Variants in ARHGAP31 observed in about 807,000 individuals in gnomAD.
The protein encoded by ARHGAP31 is rho GTPase-activating protein 31.
Under a neutral mutation model 113.9 loss-of-function variants are expected in ARHGAP31, and 34 were observed. The observed-to-expected ratio is 0.30, with a 90% CI of 0.23 to 0.40. The LOEUF is 0.40. Among genes scored for constraint, ARHGAP31 ranks in the 10% least tolerant of loss-of-function variants. The probability of loss-of-function intolerance (pLI) is 1.00; values close to 1 mark genes in which losing one functional copy is unlikely to be tolerated. For synonymous variants in ARHGAP31, 650 were observed against 684.8 expected, an observed-to-expected ratio of 0.95 and a Z score of 0.79; for missense variants, 1,548 against 1,767.1, an observed-to-expected ratio of 0.88 and a Z score of 2.22.
intron 1 of ARHGAP31, among the ~76,000 whole-genome samples, chr3:119,349,288 C>A (rs1242314980): frequency 2.0e-5 from 3 of 152,154 alleles, no homozygotes; most frequent in Non-Finnish European, 4.4e-5. Flanking sequence ...CATAGAAATT[C>A]AGATATCTTG....
rs560373448 is a variant in ARHGAP31, at chr3:119,304,025, A to G, written c.100+9021A>G. 2.2e-4 allele frequency among the ~76,000 whole-genome samples: 33 copies of G among 151,750 alleles called. 1 individual carries two copies. In the South Asian group the frequency reaches 6.1e-3, roughly 28 times the overall value. On this transcript the variant is annotated intron_variant, in intron 1 of 11. Coordinates refer to ENST00000264245, the MANE Select transcript of ARHGAP31 (RefSeq NM_020754.4). ...TAGCCAGGCTGGTCTCAAACTCCTG[A>G]CCTCGTGATCCGCCTGCCTCAGCCT...
At chr3:119,303,089 T>C (rs1051122330) in intron 1 of ARHGAP31, among the ~76,000 whole-genome samples, 4 of 152,240 alleles carry the variant, frequency 2.6e-5, no homozygotes, top group Non-Finnish European at 1.5e-5. Context: ...TGTTGTTTTG[T>C]TCTCTAACAC....
chr3:119,382,505 T>C (rs1307881460), intron 5 of ARHGAP31, 106 bp downstream of exon 5: 77 of 1,138,418 alleles, frequency 6.8e-5, no homozygotes, highest in Non-Finnish European at 1.4e-5. Flanking sequence ...AAAACAAATC[T>C]GTGGCTTAAG....
intron 9 of ARHGAP31, among the ~76,000 whole-genome samples, chr3:119,399,485 C>T (rs536345599): frequency 6.6e-6 from 1 of 152,346 alleles, no homozygotes; most frequent in Non-Finnish European, 1.5e-5. Context: ...CCTCTTTGCC[C>T]ATCCTTCCTC....
At chr3:119,373,477 T>G (rs151108031) in intron 3 of ARHGAP31, among the ~76,000 whole-genome samples, 2,692 of 152,080 alleles carry the variant, frequency 0.018, 66 homozygotes, top group African/African-American at 0.06. Flanking sequence ...GTTTGTTTGT[T>G]TTTTGAGATG....
Position 119,399,236 on chromosome 3 carries a change from C to G in ARHGAP31, c.1044C>G (p.Asp348Glu), listed in dbSNP as rs369521143. 16 of 1,613,690 alleles carry G rather than the reference C, an allele frequency of 9.9e-6. No homozygotes were observed. Among genetic ancestry groups the G allele is most frequent in the Non-Finnish European group, 1.3e-5 (15 of 1,179,562 alleles). ...KATIRPAKSM[D>E]SLCSVPVEGK... ...CTATCCGACCAGCTAAAAGCATGGA[C>G]TCACTATGTTCAGTGCCTGTGGAAG... The change falls in exon 9 of 12, where the codon GAC (aspartate) becomes GAG (glutamate). Residue 348 changes from aspartate to glutamate, a missense_variant. Asp to Glu is a conservative substitution (Grantham distance 45, BLOSUM62 2). Transcript: ENST00000264245.
chr3:119,333,996 T>C (rs2079918726), intron 1 of ARHGAP31, among the ~76,000 whole-genome samples: 1 of 152,228 alleles, frequency 6.6e-6, no homozygotes, highest in South Asian at 2.1e-4. Context: ...CCCTGGCACA[T>C]GTGCACAGCA....
At position 119,402,173 on chromosome 3, in the gene ARHGAP31, A is replaced by C. The variant is rs1374939786; in HGVS notation, c.1421A>C (p.Glu474Ala). 6.2e-7 allele frequency: 1 copy of C among 1,614,274 alleles called. No individual in the cohort carries two copies. Among genetic ancestry groups the C allele is most frequent in the Non-Finnish European group, 8.5e-7 (1 of 1,180,048 alleles). Residue 474 changes from glutamate (E) to alanine (A), a missense_variant, in exon 10 of 12, where the codon GAG (glutamate) becomes GCG (alanine). Glu to Ala is a moderately radical substitution (Grantham distance 107). Coordinates refer to ENST00000264245, the MANE Select transcript of ARHGAP31 (RefSeq NM_020754.4). ...SVFTSSLFQM[E>A]PSPRNQRKAL... The stretch of plus-strand genomic sequence containing the variant: ...TTCACCAGCAGCCTCTTCCAGATGG[A>C]GCCCTCGCCGCGTAACCAGCGCAAG...
chr3:119,336,266 T>A (rs1000954209), intron 1 of ARHGAP31, among the ~76,000 whole-genome samples: 3 of 152,238 alleles, frequency 2.0e-5, no homozygotes, highest in Non-Finnish European at 4.4e-5. Flanking sequence ...ATGAAATGGC[T>A]CTTGACTTCC....
rs1024485808 is a variant in ARHGAP31, at chr3:119,413,278, T to C, written c.1927-578T>C. ...GTTGCAGTGAGCTGAGATCACACCA[T>C]TGCACTCCAGCCTGGATGATAACGC... On this transcript the variant is annotated intron_variant, in intron 11 of 11. Coordinates refer to ENST00000264245, the MANE Select transcript of ARHGAP31 (RefSeq NM_020754.4). 9.4e-5 allele frequency among the ~76,000 whole-genome samples: 14 copies of C among 149,212 alleles called. 1 individual carries two copies. The South Asian group carries it at 2.1e-3, about 23-fold the overall frequency.
chr3:119,412,355 T>TCCAG (rs2080723668), intron 11 of ARHGAP31, among the ~76,000 whole-genome samples: 1 of 150,316 alleles, frequency 6.7e-6, no homozygotes, highest in Non-Finnish European at 1.5e-5. Flanking sequence ...GCCACTGCAC[T>TCCAG]CCAGCCTGGG....
intron 1 of ARHGAP31, among the ~76,000 whole-genome samples, chr3:119,302,609 T>A (rs796548238): frequency 1.1e-4 from 17 of 152,332 alleles, no homozygotes; most frequent in African/African-American, 3.8e-4. Flanking sequence ...TATTTCAGTA[T>A]CTTTAAGAAT....
At chr3:119,405,796 C>T (rs1261262981) in intron 10 of ARHGAP31, among the ~76,000 whole-genome samples, 1 of 152,128 alleles carries the variant, frequency 6.6e-6, no homozygotes, top group Non-Finnish European at 1.5e-5. Flanking sequence ...TTGTAGTTTA[C>T]AAGTAGCCAC....
At chr3:119,379,770 A>G (rs2080379005) in intron 3 of ARHGAP31, among the ~76,000 whole-genome samples, 1 of 152,074 alleles carries the variant, frequency 6.6e-6, no homozygotes, top group Admixed American at 6.6e-5. Flanking sequence ...TATGAAAAAA[A>G]CTCATGGAGC....
chr3:119,318,062 G>A (rs544318245), intron 1 of ARHGAP31, among the ~76,000 whole-genome samples: 35 of 150,146 alleles, frequency 2.3e-4, no homozygotes, highest in African/African-American at 3.0e-4. Flanking sequence ...TAATTTTGGA[G>A]CACCACCCAG....
At chr3:119,312,671 C>T (rs750855141) in intron 1 of ARHGAP31, among the ~76,000 whole-genome samples, 3 of 152,154 alleles carry the variant, frequency 2.0e-5, no homozygotes, top group Non-Finnish European at 4.4e-5. Context: ...AGTCCCTTCC[C>T]ACATCCTTGT....
rs527827601 is a variant in ARHGAP31, at chr3:119,330,604, T to A, written c.101-34712T>A. 2.6e-4 allele frequency among the ~76,000 whole-genome samples: 39 copies of A among 152,316 alleles called. 1 individual carries two copies. Among genetic ancestry groups the A allele is most frequent in the Non-Finnish European group, 2.9e-5 (2 of 68,016 alleles). On this transcript the variant is annotated intron_variant, in intron 1 of 11. Coordinates refer to ENST00000264245, the MANE Select transcript of ARHGAP31 (RefSeq NM_020754.4). Reference sequence around the variant, plus strand: ...GGATTTATTATTATGTTAGAGCTAATTTTCTGGTGAGCCTTAAGCAAGTCA... The same window carrying A: ...GGATTTATTATTATGTTAGAGCTAAATTTCTGGTGAGCCTTAAGCAAGTCA...
chr3:119,409,029 A>G (rs989915598), intron 10 of ARHGAP31, among the ~76,000 whole-genome samples: 1 of 152,206 alleles, frequency 6.6e-6, no homozygotes, highest in Non-Finnish European at 1.5e-5. Context: ...AGACTGGGCT[A>G]GAGCACGGTG....
In ARHGAP31 at chr3:119,419,409, C is replaced by CT. The variant is rs1318716704; in HGVS notation, c.*3145_*3146insT. 6.6e-6 allele frequency: 1 copy of CT among 152,146 alleles called. No individual in the cohort carries two copies. The highest frequency in any genetic ancestry group is 1.5e-5 in the Non-Finnish European group (1 of 68,030). The allele number at this position is 152,146 out of a possible 1,614,324, so 9.4% of individuals were successfully genotyped here. ...ATTAAGACACCTAACCTAATCTAAACCCTAAAATTCAAAATATTGTCCAAG... is the reference window on the plus strand; with the variant it reads ...ATTAAGACACCTAACCTAATCTAAACTCCTAAAATTCAAAATATTGTCCAAG... On this transcript the variant is annotated 3_prime_UTR_variant, in exon 12 of 12. Transcript: ENST00000264245.
Sources: allele counts gnomAD v4.1 joint callset (sites outside exome capture counted in the v4.1 genomes callset), GRCh38; gene constraint gnomAD v4.1.1; transcripts MANE v1.5; gene names NCBI Gene and HGNC (gene_info 2026-07-23, HGNC 2026-07-21).